NRIP1: variants seen among roughly 807,000 people sequenced by gnomAD.
The protein encoded by NRIP1 is nuclear receptor interacting protein 1, also known as nuclear receptor-interacting protein 1.
In NRIP1, 28 loss-of-function variants were observed where a neutral mutation model predicts 75.0. The observed-to-expected ratio is 0.37, with a 90% CI of 0.28 to 0.51. The LOEUF (loss-of-function observed/expected upper bound fraction) is 0.51. Among genes scored for constraint, NRIP1 ranks in the 20% least tolerant of loss-of-function variants. The pLI is 0.92. For missense variants in NRIP1, 1,435 were observed against 1,343.7 expected (o/e 1.07, Z -1.06); for synonymous variants, 526 against 487.6 (o/e 1.08, Z -1.04).
chr21:15,030,258 A>C (rs1568992136), intron 2 of NRIP1, among the ~76,000 whole-genome samples: 1 of 152,138 alleles, frequency 6.6e-6, no homozygotes, highest in Non-Finnish European at 1.5e-5. Context: ...CAATACTCCA[A>C]ATTTTTTGTT....
chr21:15,026,221 T>C (rs1400805335), intron 2 of NRIP1, among the ~76,000 whole-genome samples: 2 of 152,166 alleles, frequency 1.3e-5, no homozygotes, highest in African/African-American at 4.8e-5. Flanking sequence ...GAGTACATAA[T>C]GGGCATAGGA....
intron 3 of NRIP1, among the ~76,000 whole-genome samples, chr21:15,011,874 T>C (rs2088112385): frequency 6.6e-6 from 1 of 152,224 alleles, no homozygotes; most frequent in Non-Finnish European, 1.5e-5. Flanking sequence ...CTCAATATGA[T>C]GATTGTATCT....
intron 3 of NRIP1, among the ~76,000 whole-genome samples, chr21:14,971,053 T>C (rs1341738501): frequency 6.6e-6 from 1 of 152,244 alleles, no homozygotes; most frequent in African/African-American, 2.4e-5. Context: ...TAATCATCTC[T>C]TAATAATCCA....
rs528933546 is a variant in NRIP1 at position 15,063,018 on chromosome 21, C to CT, written c.-538+1726dup. Among the ~76,000 whole-genome samples, 476 of 149,278 alleles carry CT rather than the reference C, an allele frequency of 3.2e-3. 2 individuals are homozygous for CT. The highest frequency in any genetic ancestry group is 4.9e-3 in the Non-Finnish European group (326 of 66,994). ...TGAATAAAATCAACAACGAACAGTCCTTTTTTTTTTCTGTTATGTTCTGAT... is the reference window on the plus strand; with the variant it reads ...TGAATAAAATCAACAACGAACAGTCCTTTTTTTTTTTCTGTTATGTTCTGAT... On this transcript the variant is annotated intron_variant, in intron 1 of 3. Transcript: ENST00000318948.
chr21:14,961,985 G>T lies in NRIP1; in HGVS notation c.*2731C>A, dbSNP rs530467217. On this transcript the variant is annotated 3_prime_UTR_variant, in exon 4 of 4. Transcript: ENST00000318948. ...TAAAAACCGATTTTAACATCTTCAT[G>T]TAACAAGTCAATATATATATATATA... 1.6e-3 allele frequency: 220 copies of T among 138,510 alleles called. No individual in the cohort carries two copies. The highest frequency in any genetic ancestry group is 5.8e-3 in the African/African-American group (215 of 37,040). The allele number at this position is 138,510 out of a possible 1,614,324, so 8.6% of individuals were successfully genotyped here.
chr21:14,985,025 T>C (rs2087355638), intron 3 of NRIP1, among the ~76,000 whole-genome samples: 1 of 152,230 alleles, frequency 6.6e-6, no homozygotes, highest in Admixed American at 6.5e-5. Flanking sequence ...TTTACTGAGG[T>C]ATTCATTTCA....
At chr21:15,061,219 A>G (rs539280523) in intron 1 of NRIP1, among the ~76,000 whole-genome samples, 4 of 152,322 alleles carry the variant, frequency 2.6e-5, no homozygotes, top group African/African-American at 7.2e-5. Context: ...AGACATGGGT[A>G]TACAGGACTT....
chr21:14,967,607 C>A lies in NRIP1; in HGVS notation c.586G>T (p.Asp196Tyr), dbSNP rs988355794. The A allele has an allele frequency of 3.7e-6, 6 of 1,613,678 alleles. No individual in the cohort carries two copies. The highest frequency in any genetic ancestry group is 2.7e-5 in the African/African-American group (2 of 74,846). ...GGAAGATTCGTATCAGGCTTTTGAT[C>A]TTTAACTTTACTTTTCTTCAACAAA... is the stretch of plus-strand genomic sequence containing the variant. ...KTLLKKSKVKDQKPDTNLPDV... is the reference protein window; with the variant it reads ...KTLLKKSKVKYQKPDTNLPDV... Residue 196 changes from aspartate (D) to tyrosine (Y), a missense_variant, in exon 4 of 4, where the codon GAT (aspartate) becomes TAT (tyrosine). Coordinates refer to ENST00000318948, the MANE Select transcript of NRIP1 (RefSeq NM_003489.4).
chr21:15,062,857 TAAC>T (rs1325830619), intron 1 of NRIP1, among the ~76,000 whole-genome samples: 1 of 152,194 alleles, frequency 6.6e-6, no homozygotes, highest in Non-Finnish European at 1.5e-5. Context: ...AGTGCAAAGT[TAAC>T]AATATTTTAG....
At chr21:15,052,429 A>G (rs759869317) in intron 1 of NRIP1, 2 of 152,090 alleles carry the variant, frequency 1.3e-5, no homozygotes, top group African/African-American at 2.4e-5. Flanking sequence ...TTCCCCTCCC[A>G]CACATCAAAA....
At chr21:14,994,281 T>A (rs920722355) in intron 3 of NRIP1, among the ~76,000 whole-genome samples, 6 of 152,236 alleles carry the variant, frequency 3.9e-5, no homozygotes, top group Non-Finnish European at 7.4e-5. Context: ...TGCACCACCA[T>A]GCCTGGCTAA....
intron 2 of NRIP1, among the ~76,000 whole-genome samples, chr21:15,042,490 C>T (rs2088978320): frequency 1.3e-5 from 2 of 152,124 alleles, no homozygotes; most frequent in South Asian, 4.1e-4. Flanking sequence ...GTTGTGTCTC[C>T]CCAAAATTCA....
chr21:14,973,843 ATTTTTT>A (rs11391044), intron 3 of NRIP1, among the ~76,000 whole-genome samples: 4 of 129,870 alleles, frequency 3.1e-5, no homozygotes, highest in African/African-American at 1.2e-4. Flanking sequence ...TGCAGAGCTG[ATTTTTT>A]TTTTTTTTTT....
At chr21:14,983,856 GA>G (rs765385738) in intron 3 of NRIP1, among the ~76,000 whole-genome samples, 2 of 152,172 alleles carry the variant, frequency 1.3e-5, no homozygotes, top group African/African-American at 2.4e-5. Flanking sequence ...ATGATTTGCT[GA>G]ATATTTTAAG....
intron 3 of NRIP1, among the ~76,000 whole-genome samples, chr21:14,971,021 A>C (rs1465739452): frequency 1.3e-5 from 2 of 152,228 alleles, no homozygotes; most frequent in African/African-American, 4.8e-5. Context: ...TCACAGAGAA[A>C]GTAGATGACA....
At chr21:15,058,996 C>A (rs971627256) in intron 1 of NRIP1, among the ~76,000 whole-genome samples, 1 of 152,166 alleles carries the variant, frequency 6.6e-6, no homozygotes, top group Admixed American at 6.6e-5. Context: ...TGTGCTCAAT[C>A]CTTTAGCAAA....
At chr21:15,030,319 T>C (rs1194446394) in intron 2 of NRIP1, among the ~76,000 whole-genome samples, 1 of 152,242 alleles carries the variant, frequency 6.6e-6, no homozygotes, top group Admixed American at 6.5e-5. Flanking sequence ...TAAGGCCTTC[T>C]ATTACTTATA....
chr21:14,968,185 T>C lies in NRIP1; in HGVS notation c.8A>G (p.His3Arg), dbSNP rs748554604. The C allele has an allele frequency of 1.2e-6, 2 of 1,607,382 alleles. No individual in the cohort carries two copies. Among genetic ancestry groups the C allele is most frequent in the African/African-American group, 2.7e-5 (2 of 74,702 alleles). ...CACATCAGAGCCAAGCTCTTCTCCA[T>C]GAGTCATGTTCAATAGAAGTGTTCA... The part of the protein sequence containing the change: MT[H>R]GEELGSDVHQ... Residue 3 changes from histidine to arginine, a missense_variant, in exon 4 of 4, where the codon CAT (histidine) becomes CGT (arginine). Physicochemically the swap from His to Arg is conservative, Grantham distance 29. Coordinates refer to ENST00000318948, the MANE Select transcript of NRIP1 (RefSeq NM_003489.4).
chr21:15,058,058 G>A (rs994721184), intron 1 of NRIP1, among the ~76,000 whole-genome samples: 4 of 152,030 alleles, frequency 2.6e-5, no homozygotes, highest in East Asian at 1.9e-4. Flanking sequence ...TGTCAACAAC[G>A]GCATATACTG....
Sources: allele counts gnomAD v4.1 joint callset (sites outside exome capture counted in the v4.1 genomes callset), GRCh38; gene constraint gnomAD v4.1.1; transcripts MANE v1.5; gene names NCBI Gene and HGNC (gene_info 2026-07-23, HGNC 2026-07-21).